LIN54: variants seen among roughly 807,000 people sequenced by gnomAD.
LIN54 encodes the protein protein lin-54 homolog.
Under a neutral mutation model 78.7 loss-of-function variants are expected in LIN54, and 9 were observed. The observed-to-expected ratio is 0.11, with a 90% confidence interval of 0.07 to 0.20. LIN54 has a LOEUF of 0.20. Ranked by LOEUF, LIN54 falls within the 10% of genes least tolerant of loss-of-function variation. LIN54 has a pLI of 1.00. For missense variants in LIN54, 573 were observed against 889.9 expected, an observed-to-expected ratio of 0.64 and a Z score of 4.53; for synonymous variants, 269 against 318.4, an observed-to-expected ratio of 0.84 and a Z score of 1.65.
chr4:82,973,552 C>T (rs1725862353), intron 3 of LIN54, among the ~76,000 whole-genome samples: 2 of 152,168 alleles, frequency 1.3e-5, no homozygotes, highest in Non-Finnish European at 1.5e-5. Flanking sequence ...CTCCATAAAG[C>T]CACATATTGA....
chr4:82,935,950 A>G, intron 11 of LIN54, 31 bp downstream of exon 11: 1 of 1,606,910 alleles, frequency 6.2e-7, no homozygotes, highest in East Asian at 2.2e-5. Flanking sequence ...CTGTTTTTAA[A>G]AGATATTATT....
Position 82,939,752 on chromosome 4 carries a change from A to G in LIN54, c.1243-16T>C, listed in dbSNP as rs775277403. ...TTGGAACAACCTAAAAAGAAGGGAC[A>G]TATATCAATGACCACAAAATAAATT... On this transcript the variant is annotated splice_polypyrimidine_tract_variant and intron_variant, in intron 6 of 12. Coordinates refer to ENST00000340417, the MANE Select transcript of LIN54 (RefSeq NM_194282.4). The G allele has an allele frequency of 1.2e-6, 2 of 1,613,762 alleles. No homozygotes were observed. Among genetic ancestry groups the G allele is most frequent in the Non-Finnish European group, 1.7e-6 (2 of 1,179,604 alleles).
In LIN54 at chr4:82,984,799, T is replaced by C. The variant is rs370584129; in HGVS notation, c.46A>G (p.Ile16Val). The change falls in exon 2 of 13, where the codon ATA (isoleucine) becomes GTA (valine). Residue 16 changes from isoleucine to valine, a missense_variant. This residue lies in a region of LIN54 where 183 missense variants were observed against 228.4 expected (regional missense o/e 0.80). Coordinates refer to ENST00000340417, the MANE Select transcript of LIN54 (RefSeq NM_194282.4). ...AEVNSLLPEE[I>V]MDTGITLVDD... ...ACTAAAGTTATACCAGTGTCCATTA[T>C]TTCCTCTGGAAGCAAACTATTCACC... 5 of 1,613,648 alleles carry C rather than the reference T, an allele frequency of 3.1e-6. No individual in the cohort carries two copies. The African/African-American group carries it at 6.7e-5, about 22-fold the overall frequency.
upstream of LIN54, chr4:83,012,898 T>C (rs1729940581): frequency 6.6e-6 from 1 of 151,016 alleles, no homozygotes; most frequent in Admixed American, 6.6e-5. Context: ...TTGTTCAAAA[T>C]CACGCGCCCA....
intron 4 of LIN54, among the ~76,000 whole-genome samples, chr4:82,955,871 T>C (rs971674716): frequency 2.0e-5 from 3 of 152,050 alleles, no homozygotes; most frequent in Non-Finnish European, 4.4e-5. Flanking sequence ...ACCTAAAAAA[T>C]GAGAAGCAGG....
At chr4:82,942,262 G>T (rs549432022) in intron 5 of LIN54, among the ~76,000 whole-genome samples, 4 of 152,156 alleles carry the variant, frequency 2.6e-5, no homozygotes, top group Non-Finnish European at 5.9e-5. Context: ...CTGCAGCAAG[G>T]TGACAAACTA....
chr4:82,931,315 T>TC (rs1720236286), intron 11 of LIN54, among the ~76,000 whole-genome samples, 170 bp from the exon 12 acceptor site: 1 of 152,284 alleles, frequency 6.6e-6, no homozygotes, highest in African/African-American at 2.4e-5. Context: ...GCTAGCTAGG[T>TC]TAGGTATTCT....
rs1034621746 is a variant in LIN54, at chr4:83,010,711, G to C, written c.-260C>G. The C allele has an allele frequency of 1.4e-3, 1,713 of 1,232,046 alleles. 1 individual carries two copies. Among genetic ancestry groups the C allele is most frequent in the Non-Finnish European group, 1.6e-3 (1,621 of 987,958 alleles). The allele number at this position is 1,232,046 out of a possible 1,614,324, so 76.3% of individuals were successfully genotyped here. A position where few individuals can be genotyped will look rare whatever the true frequency, so the allele number is the denominator to read the frequency against. ...CGCCGCCGCCTCTGGTATGTCAGGG[G>C]CCGGGATTGTATTTCGAAAGATCCG... On this transcript the variant is annotated 5_prime_UTR_variant, in exon 1 of 13. Coordinates refer to ENST00000340417, the MANE Select transcript of LIN54 (RefSeq NM_194282.4).
chr4:82,997,079 A>G (rs781055928), intron 1 of LIN54, among the ~76,000 whole-genome samples: 1 of 152,118 alleles, frequency 6.6e-6, no homozygotes, highest in Non-Finnish European at 1.5e-5. Flanking sequence ...ATTTGTCTTC[A>G]TCACTACTGA....
In LIN54 at chr4:82,925,910, T is replaced by C. The variant is rs1438198978; in HGVS notation, c.*2192A>G. Reference sequence around the variant, plus strand: ...TAGTCTTTTAAAATCATTGAATTAATGTGGCTATTCATCTTGTTCAGCAAT... The same window carrying C: ...TAGTCTTTTAAAATCATTGAATTAACGTGGCTATTCATCTTGTTCAGCAAT... On this transcript the variant is annotated 3_prime_UTR_variant, in exon 13 of 13. Coordinates refer to ENST00000340417, the MANE Select transcript of LIN54 (RefSeq NM_194282.4). 2.6e-5 allele frequency: 4 copies of C among 152,616 alleles called. No homozygotes were observed. Among genetic ancestry groups the C allele is most frequent in the African/African-American group, 9.7e-5 (4 of 41,450 alleles). 9.5% of individuals were successfully genotyped at this position (152,616 alleles called of 1,614,324 possible).
chr4:82,942,885 CACACA>C (rs1723046246), intron 5 of LIN54, among the ~76,000 whole-genome samples: 12 of 151,732 alleles, frequency 7.9e-5, no homozygotes, highest in Admixed American at 2.0e-4. Flanking sequence ...CACACACACA[CACACA>C]CACCCTCCCT....
At chr4:82,973,790 G>C (rs1056435442) in intron 3 of LIN54, among the ~76,000 whole-genome samples, 1 of 152,154 alleles carries the variant, frequency 6.6e-6, no homozygotes, top group Non-Finnish European at 1.5e-5. Context: ...GAAGATCATA[G>C]AGAAAATCAA....
At chr4:82,945,784 G>A (rs568689137) in intron 5 of LIN54, among the ~76,000 whole-genome samples, 15 of 152,242 alleles carry the variant, frequency 9.9e-5, no homozygotes, top group Middle Eastern at 3.4e-3. Flanking sequence ...GTGAGCCACC[G>A]TGCCTGGCCT....
chr4:82,934,956 G>T (rs1177651858), intron 11 of LIN54, among the ~76,000 whole-genome samples: 2 of 152,068 alleles, frequency 1.3e-5, no homozygotes, highest in Non-Finnish European at 2.9e-5. Flanking sequence ...GATTTATATG[G>T]CATTTGTCAG....
chr4:82,991,661 C>T (rs1430497129), intron 1 of LIN54, among the ~76,000 whole-genome samples: 4 of 152,100 alleles, frequency 2.6e-5, no homozygotes, highest in Admixed American at 6.6e-5. Flanking sequence ...AGAAAGTTTA[C>T]GTCTTTCCCA....
chr4:82,935,009 A>AT (rs1722279155), intron 11 of LIN54, among the ~76,000 whole-genome samples: 1 of 152,152 alleles, frequency 6.6e-6, no homozygotes, highest in Non-Finnish European at 1.5e-5. Flanking sequence ...CGCCTGACCC[A>AT]TAAGTAAAAA....
intron 8 of LIN54, among the ~76,000 whole-genome samples, chr4:82,938,093 T>A (rs1046822170): frequency 6.6e-6 from 1 of 152,126 alleles, no homozygotes; most frequent in Non-Finnish European, 1.5e-5. Context: ...AGCACTGCAC[T>A]CCAGCCTGGG....
chr4:82,962,338 AC>A (rs1724867050), intron 4 of LIN54, among the ~76,000 whole-genome samples: 1 of 152,166 alleles, frequency 6.6e-6, no homozygotes, highest in Admixed American at 6.6e-5. Flanking sequence ...TGAATCACTG[AC>A]CTGGATTCAC....
upstream of LIN54, chr4:83,012,128 G>C (rs974693309): frequency 3.1e-6 from 2 of 649,322 alleles, no homozygotes; most frequent in African/African-American, 3.9e-5. Flanking sequence ...CAGATGCTGA[G>C]AGTATAAAGT....
Sources: gnomAD v4.1 joint callset for allele counts (sites outside exome capture counted in the v4.1 genomes callset) on GRCh38, gnomAD v4.1.1 for gene constraint, gnomAD v4.1.1 regional missense constraint, MANE v1.5 for transcripts, NCBI Gene and HGNC (gene_info 2026-07-23, HGNC 2026-07-21) for gene names.